EPB41: variants seen among roughly 807,000 people sequenced by gnomAD.
The protein encoded by EPB41 is protein 4.1.
In EPB41, 65 loss-of-function variants were observed where a neutral mutation model predicts 108.0. The observed-to-expected ratio is 0.60, with a 90% confidence interval of 0.49 to 0.74. EPB41 has a LOEUF of 0.74. Ranked by LOEUF, EPB41 falls within the 30% of genes least tolerant of loss-of-function variation. EPB41 has a pLI of 0.00. For synonymous variants in EPB41, 336 were observed against 358.9 expected (o/e 0.94, Z 0.72); for missense variants, 875 against 1,037.0 (o/e 0.84, Z 2.15).
intron 1 of EPB41, among the ~76,000 whole-genome samples, chr1:28,978,458 G>A (rs1259806202): frequency 6.6e-6 from 1 of 151,534 alleles, no homozygotes; most frequent in Non-Finnish European, 1.5e-5. Flanking sequence ...CTATTACTTT[G>A]TTGTGTTTAT....
In EPB41 at chr1:29,115,837, C is replaced by A; in HGVS notation, c.*6+34C>A. On this transcript the variant is annotated intron_variant, in intron 20 of 20. Coordinates refer to ENST00000343067, the MANE Select transcript of EPB41 (RefSeq NM_001376013.1). The surrounding 1 kb of genome is among the most constrained non-coding windows in gnomAD (Gnocchi z 4.4). ...CGTTCCTGCTGGGGCTGAGGGTGCC[C>A]ACAGTCCCAGCCTGAGAGGGCTCTG... 6.5e-7 allele frequency: 1 copy of A among 1,545,222 alleles called. No individual in the cohort carries two copies. Among genetic ancestry groups the A allele is most frequent in the Non-Finnish European group, 8.9e-7 (1 of 1,118,120 alleles).
intron 1 of EPB41, chr1:28,982,316 C>T: frequency 1.6e-6 from 1 of 618,298 alleles, no homozygotes; most frequent in South Asian, 1.5e-5. Flanking sequence ...TTGTTCTTGC[C>T]TGTCTTTTAT....
intron 17 of EPB41, among the ~76,000 whole-genome samples, chr1:29,102,064 G>C (rs1665604378): frequency 6.6e-6 from 1 of 152,074 alleles, no homozygotes; most frequent in Non-Finnish European, 1.5e-5. Flanking sequence ...GCAGTGAAGG[G>C]GACTGAAAAA....
Position 28,997,266 on chromosome 1 carries a change from C to G in EPB41, c.733C>G (p.Leu245Val). Residue 245 changes from leucine to valine, a missense_variant, in exon 4 of 21, where the codon CTT becomes GTT. Physicochemically the swap from Leu to Val is conservative, Grantham distance 32. Transcript: ENST00000343067. ...LLKRVCEHLN[L>V]LEEDYFGLAI... is the part of the protein sequence containing the mutation. The stretch of plus-strand genomic sequence containing the variant: ...TAAACGAGTATGTGAGCATCTCAAT[C>G]TTTTGGAAGAAGACTATTTTGGTCT... 1 of 1,614,134 alleles carries G rather than the reference C, an allele frequency of 6.2e-7. No individual in the cohort carries two copies. The highest frequency in any genetic ancestry group is 8.5e-7 in the Non-Finnish European group (1 of 1,179,978).
chr1:29,112,563 T>C, intron 19 of EPB41, 115 bp downstream of exon 19: 1 of 818,830 alleles, frequency 1.2e-6, no homozygotes, highest in Non-Finnish European at 2.1e-6. Context: ...CCACTCTAGC[T>C]CTTAATTGAG....
intron 1 of EPB41, among the ~76,000 whole-genome samples, chr1:28,925,389 TC>T (rs2093388848): frequency 6.6e-6 from 1 of 151,996 alleles, no homozygotes; most frequent in African/African-American, 2.4e-5. Context: ...GGGATTATAG[TC>T]ATGAGCCACC....
At chr1:28,993,643 A>G (rs1169296225) in intron 3 of EPB41, 101 bp downstream of exon 3, 1 of 781,492 alleles carries the variant, frequency 1.3e-6, no homozygotes, top group East Asian at 3.1e-5. Context: ...CACTGTAGTG[A>G]TTATTTCTTT....
At chr1:29,107,063 A>G (rs1475280401) in intron 17 of EPB41, among the ~76,000 whole-genome samples, 1 of 151,934 alleles carries the variant, frequency 6.6e-6, no homozygotes, top group Non-Finnish European at 1.5e-5. Flanking sequence ...TGCGCCTGTA[A>G]TCCCAGCTAC....
chr1:28,934,202 C>A (rs1412663267), intron 1 of EPB41, among the ~76,000 whole-genome samples: 3 of 152,086 alleles, frequency 2.0e-5, no homozygotes, highest in Non-Finnish European at 2.9e-5. Context: ...CATTATTAGA[C>A]TTGATAATGT....
At chr1:28,919,452 T>C (rs1336629009) in intron 1 of EPB41, among the ~76,000 whole-genome samples, 1 of 152,128 alleles carries the variant, frequency 6.6e-6, no homozygotes, top group Non-Finnish European at 1.5e-5. Flanking sequence ...ATTGCTATCC[T>C]TAAAAGTCCT....
chr1:28,938,338 G>T (rs550529691), intron 1 of EPB41, among the ~76,000 whole-genome samples: 1 of 152,020 alleles, frequency 6.6e-6, no homozygotes, highest in Non-Finnish European at 1.5e-5. Context: ...TATGAACATG[G>T]GATTTTTTCC....
intron 1 of EPB41, among the ~76,000 whole-genome samples, chr1:28,904,535 G>A (rs1337521819): frequency 2.6e-5 from 4 of 152,108 alleles, no homozygotes; most frequent in African/African-American, 7.2e-5. Flanking sequence ...TAATTAATCA[G>A]GGAAGTAATT....
intron 11 of EPB41, among the ~76,000 whole-genome samples, chr1:29,050,364 A>G (rs61783666): frequency 0.018 from 2,673 of 152,382 alleles, 38 homozygotes; most frequent in Non-Finnish European, 0.026. Context: ...ACTGGATTGA[A>G]ACCAAAGACA....
At chr1:28,967,956 C>T (rs562222069) in intron 1 of EPB41, among the ~76,000 whole-genome samples, 6 of 152,134 alleles carry the variant, frequency 3.9e-5, no homozygotes, top group South Asian at 2.1e-4. Context: ...AGGCATGCAC[C>T]GCCACGCCTG....
intron 2 of EPB41, among the ~76,000 whole-genome samples, chr1:28,989,986 G>A (rs938742956): frequency 1.3e-5 from 2 of 152,104 alleles, no homozygotes; most frequent in African/African-American, 4.8e-5. Context: ...GCCGGGCGCA[G>A]TGGCTCACAC....
At chr1:28,909,182 C>T (rs1223497603) in intron 1 of EPB41, among the ~76,000 whole-genome samples, 1 of 150,870 alleles carries the variant, frequency 6.6e-6, no homozygotes, top group Non-Finnish European at 1.5e-5. Context: ...AAAGTCAGTC[C>T]TAAAATAATA....
intron 1 of EPB41, among the ~76,000 whole-genome samples, chr1:28,982,986 C>T (rs527683947): frequency 1.3e-5 from 2 of 152,176 alleles, no homozygotes; most frequent in African/African-American, 4.8e-5. Context: ...GATTTCAACA[C>T]TCAGGATTAT....
At chr1:29,083,565 G>A (rs1379676811) in intron 16 of EPB41, among the ~76,000 whole-genome samples, 3 of 152,038 alleles carry the variant, frequency 2.0e-5, no homozygotes, top group Non-Finnish European at 4.4e-5. Flanking sequence ...CATGGCTTTT[G>A]CAAAAGAAGC....
At position 28,943,484 on chromosome 1, in the gene EPB41, C is replaced by T. The variant is rs917344677; in HGVS notation, c.-8+28716C>T. Reference sequence around the variant, plus strand: ...CCTAGCCAACATGGTGAAACCCTGTCTCTACTAAAAAATTAAAAAATTAGC... The same window carrying T: ...CCTAGCCAACATGGTGAAACCCTGTTTCTACTAAAAAATTAAAAAATTAGC... On this transcript the variant is annotated intron_variant, in intron 1 of 20. Coordinates refer to ENST00000343067, the MANE Select transcript of EPB41 (RefSeq NM_001376013.1). Among the ~76,000 whole-genome samples, 28 of 152,066 alleles carry T rather than the reference C, an allele frequency of 1.8e-4. 1 individual carries two copies. The highest frequency in any genetic ancestry group is 2.9e-5 in the Non-Finnish European group (2 of 68,000).
Sources: allele counts gnomAD v4.1 joint callset (sites outside exome capture counted in the v4.1 genomes callset), GRCh38; gene constraint gnomAD v4.1.1; non-coding constraint Gnocchi (gnomAD v3.1); transcripts MANE v1.5; gene names NCBI Gene and HGNC (gene_info 2026-07-23, HGNC 2026-07-21).